The following NUP98 variants were observed in gnomAD, a reference collection of about 807,000 sequenced individuals.
NUP98 encodes the protein nuclear pore complex protein Nup98-Nup96.
Under a neutral mutation model 191.9 loss-of-function variants are expected in NUP98, and 26 were observed. The ratio of observed to expected loss-of-function variants is 0.14; its 90% confidence interval spans 0.10 to 0.19. The LOEUF (loss-of-function observed/expected upper bound fraction) is 0.19. NUP98 is among the 10% of genes least tolerant of loss of function. The pLI is 1.00. For synonymous variants in NUP98, 808 were observed against 778.4 expected, an observed-to-expected ratio of 1.04 and a Z score of -0.63; for missense variants, 1,941 against 2,178.8, an observed-to-expected ratio of 0.89 and a Z score of 2.17.
At chr11:3,764,270 A>G (rs1006669210) in intron 8 of NUP98, among the ~76,000 whole-genome samples, 4 of 152,214 alleles carry the variant, frequency 2.6e-5, no homozygotes, top group African/African-American at 9.7e-5. Context: ...GTTGTAGCAT[A>G]TATTAGTACT....
At chr11:3,757,572 G>A (rs554847660) in intron 10 of NUP98, among the ~76,000 whole-genome samples, 1 of 152,138 alleles carries the variant, frequency 6.6e-6, no homozygotes, top group Admixed American at 6.6e-5. Flanking sequence ...ACCGAGGCTG[G>A]CAGATCACCT....
At chr11:3,700,493 T>C (rs571952738) in intron 24 of NUP98, 117 bp downstream of exon 24, 1 of 607,756 alleles carries the variant, frequency 1.6e-6, no homozygotes, top group Non-Finnish European at 2.8e-6. Flanking sequence ...CCTCAGAAAA[T>C]GACAAGCACA....
At chr11:3,769,181 T>C (rs1193548386) in intron 7 of NUP98, among the ~76,000 whole-genome samples, 1 of 152,150 alleles carries the variant, frequency 6.6e-6, no homozygotes, top group Non-Finnish European at 1.5e-5. Flanking sequence ...TAACAACATT[T>C]TGGGAGGCCA....
At position 3,753,755 on chromosome 11, in the gene NUP98, C is replaced by CAAAAAAAA. The variant is rs58867754; in HGVS notation, c.1175-355_1175-348dup. 1.2e-3 allele frequency among the ~76,000 whole-genome samples: 12 copies of CAAAAAAAA among 10,174 alleles called. 5 individuals carry two copies. Among genetic ancestry groups the CAAAAAAAA allele is most frequent in the African/African-American group, 3.2e-3 (7 of 2,216 alleles). 6.7% of individuals were successfully genotyped at this position (10,174 alleles called of 152,430 possible). On this transcript the variant is annotated intron_variant, in intron 10 of 32. Transcript: ENST00000324932. ...GTGAAACCCCGTCTCTATAAAAATA[C>CAAAAAAAA]AAAAAAAAAAAAAAAAAAAAAAAAA...
chr11:3,726,707 A>G (rs1391553888), intron 14 of NUP98, among the ~76,000 whole-genome samples: 2 of 152,086 alleles, frequency 1.3e-5, no homozygotes, highest in African/African-American at 4.8e-5. Flanking sequence ...AGTCTTATAA[A>G]TACTACTTCA....
At chr11:3,776,052 A>C in intron 4 of NUP98, 31 bp from the exon 5 acceptor site, 1 of 1,552,282 alleles carries the variant, frequency 6.4e-7, no homozygotes, top group Non-Finnish European at 8.8e-7. Flanking sequence ...TGAGACGATA[A>C]CAGTAAGAAA....
At position 3,779,022 on chromosome 11, in the gene NUP98, C is replaced by T. The variant is rs1323414294; in HGVS notation, c.206G>A (p.Ser69Asn). ...AGTGCTTGTGGAGGTAGCTGGCTGG[C>T]TAAATGAACTGGTTCCAAACAATCC... ...PGGLFGTSSFSQPATSTSTGF... is the reference protein window; with the variant it reads ...PGGLFGTSSFNQPATSTSTGF... Residue 69 changes from serine (S) to asparagine (N), a missense_variant, in exon 4 of 33, where the codon AGC becomes AAC. This residue lies in a region of NUP98 where 154 missense variants were observed against 182.9 expected (regional missense o/e 0.84). Coordinates refer to ENST00000324932, the MANE Select transcript of NUP98 (RefSeq NM_016320.5). 6.2e-7 allele frequency: 1 copy of T among 1,614,020 alleles called. No homozygotes were observed. The highest frequency in any genetic ancestry group is 1.3e-5 in the African/African-American group (1 of 74,892).
intron 14 of NUP98, among the ~76,000 whole-genome samples, chr11:3,726,261 T>C (rs1162006441): frequency 6.6e-6 from 1 of 151,634 alleles, no homozygotes; most frequent in Non-Finnish European, 1.5e-5. Flanking sequence ...TAAATGCATA[T>C]ATTTGAAAGA....
intron 16 of NUP98, among the ~76,000 whole-genome samples, chr11:3,722,460 A>C (rs2079439354): frequency 1.3e-5 from 2 of 148,874 alleles, no homozygotes; most frequent in Non-Finnish European, 3.0e-5. Flanking sequence ...TAAGTAACCA[A>C]ATATATATAT....
intron 12 of NUP98, among the ~76,000 whole-genome samples, chr11:3,735,683 G>C (rs1485860979): frequency 6.6e-6 from 1 of 151,674 alleles, no homozygotes; most frequent in African/African-American, 2.4e-5. Context: ...CATAGTCTTT[G>C]ACTTCTAGAA....
intron 1 of NUP98, among the ~76,000 whole-genome samples, chr11:3,792,095 C>T (rs1465260883): frequency 2.3e-5 from 3 of 130,378 alleles, no homozygotes; most frequent in Non-Finnish European, 3.1e-5. Flanking sequence ...AGGAGAATGG[C>T]GTGAACCCGG....
intron 6 of NUP98, 110 bp downstream of exon 6, chr11:3,773,522 A>G (rs1259645277): frequency 1.1e-5 from 6 of 564,208 alleles, no homozygotes; most frequent in Non-Finnish European, 1.8e-5. Context: ...TTTTTTACAT[A>G]AACCCAAACT....
chr11:3,768,758 GAA>G lies in NUP98; in HGVS notation c.785-16_785-15del. ...ATCCAGTTGTACCTTTTAGGAAAAA[GAA>G]AAAAAAAAGAAAAAAGAAATAATAA... is the stretch of plus-strand genomic sequence containing the variant. On this transcript the variant is annotated splice_polypyrimidine_tract_variant and intron_variant, in intron 7 of 32. Transcript: ENST00000324932. 5.0e-6 allele frequency: 4 copies of G among 800,378 alleles called. No individual in the cohort carries two copies. The highest frequency in any genetic ancestry group is 4.1e-5 in the South Asian group (1 of 24,204). The allele number at this position is 800,378 out of a possible 1,614,324, so 49.6% of individuals were successfully genotyped here.
intron 12 of NUP98, among the ~76,000 whole-genome samples, chr11:3,738,403 G>A (rs1448899731): frequency 2.6e-5 from 4 of 151,996 alleles, no homozygotes; most frequent in Non-Finnish European, 4.4e-5. Flanking sequence ...AAAGGGATAG[G>A]GAAAAGTACA....
chr11:3,751,634 G>A (rs1366984991), intron 11 of NUP98, among the ~76,000 whole-genome samples: 1 of 152,088 alleles, frequency 6.6e-6, no homozygotes, highest in Non-Finnish European at 1.5e-5. Flanking sequence ...CAAGGCAGGA[G>A]GATGGCTTCA....
At chr11:3,738,030 CCTGT>C (rs2080135621) in intron 12 of NUP98, among the ~76,000 whole-genome samples, 1 of 147,470 alleles carries the variant, frequency 6.8e-6, no homozygotes, top group Non-Finnish European at 1.5e-5. Flanking sequence ...AGAAAACTGA[CCTGT>C]CTTAGTTGAT....
intron 20 of NUP98, among the ~76,000 whole-genome samples, chr11:3,708,653 T>A (rs1390729658): frequency 2.6e-5 from 4 of 151,436 alleles, no homozygotes; most frequent in Non-Finnish European, 5.9e-5. Flanking sequence ...GCTGTCTGTG[T>A]ACTTATTTTC....
Position 3,714,324 on chromosome 11 carries a change from T to C in NUP98, c.2400-329A>G, listed in dbSNP as rs549467760. Among the ~76,000 whole-genome samples, 4 of 152,354 alleles carry C rather than the reference T, an allele frequency of 2.6e-5. No homozygotes were observed. The South Asian group carries it at 8.3e-4, about 32-fold the overall frequency. On this transcript the variant is annotated intron_variant, in intron 18 of 32. Coordinates refer to ENST00000324932, the MANE Select transcript of NUP98 (RefSeq NM_016320.5). ...GTCCAGTGGTACGAACCAAGTCTTATGCAGGTCTTAAAGGGCTACCGTACT... is the reference window on the plus strand; with the variant it reads ...GTCCAGTGGTACGAACCAAGTCTTACGCAGGTCTTAAAGGGCTACCGTACT...
chr11:3,705,421 A>T (rs1420404848), intron 21 of NUP98, 65 bp from the exon 22 acceptor site: 2 of 1,551,030 alleles, frequency 1.3e-6, no homozygotes, highest in African/African-American at 1.4e-5. Flanking sequence ...CCAAAAAAAA[A>T]TGCAGTTTAC....
Sources: allele counts gnomAD v4.1 joint callset (sites outside exome capture counted in the v4.1 genomes callset), GRCh38; gene constraint gnomAD v4.1.1; regional missense constraint gnomAD v4.1.1; transcripts MANE v1.5; gene names NCBI Gene and HGNC (gene_info 2026-07-23, HGNC 2026-07-21).